The following CSNK1G3 variants were observed in gnomAD, a reference collection of about 807,000 sequenced individuals.
CSNK1G3 encodes the protein casein kinase I isoform gamma-3.
CSNK1G3 carries 23 observed loss-of-function variants against 64.3 expected under a neutral mutation model. That is an observed-to-expected ratio of 0.36 (90% CI 0.26 to 0.51). The LOEUF (loss-of-function observed/expected upper bound fraction) is 0.51. Ranked by LOEUF, CSNK1G3 falls within the 20% of genes least tolerant of loss-of-function variation. The pLI is 0.96. For synonymous variants in CSNK1G3, 158 were observed against 162.2 expected, an observed-to-expected ratio of 0.97 and a Z score of 0.20; for missense variants, 357 against 510.5, an observed-to-expected ratio of 0.70 and a Z score of 2.90.
Position 123,616,778 on chromosome 5 carries a change from C to G in CSNK1G3, c.*2382C>G, listed in dbSNP as rs377397864. On this transcript the variant is annotated 3_prime_UTR_variant, in exon 13 of 13. Transcript: ENST00000345990. The stretch of plus-strand genomic sequence containing the variant: ...TAAAAGTAGTTTTTTTAAACTTGCT[C>G]TTTCCCATTTCCTCTAAAGATGGGT... 3.9e-5 allele frequency: 6 copies of G among 152,462 alleles called. No individual in the cohort carries two copies. The East Asian group carries it at 5.8e-4, about 15-fold the overall frequency. 9.4% of individuals were successfully genotyped at this position (152,462 alleles called of 1,614,324 possible).
At chr5:123,538,258 T>G (rs546454821) in intron 1 of CSNK1G3, among the ~76,000 whole-genome samples, 1 of 152,306 alleles carries the variant, frequency 6.6e-6, no homozygotes, top group Non-Finnish European at 1.5e-5. Flanking sequence ...CTGTCAACCT[T>G]TTTTCCAAAG....
In CSNK1G3 at chr5:123,575,874, C is replaced by T. The variant is rs748402581; in HGVS notation, c.584C>T (p.Pro195Leu). The T allele has an allele frequency of 1.2e-4, 191 of 1,613,282 alleles. No individual in the cohort carries two copies. Among genetic ancestry groups the T allele is most frequent in the Middle Eastern group, 1.6e-4 (1 of 6,080 alleles). The change falls in exon 6 of 13, where the codon CCG (proline) becomes CTG (leucine). Residue 195 changes from proline (P) to leucine (L), a missense_variant. This residue lies in a region of CSNK1G3 where 128 missense variants were observed against 250.4 expected (regional missense o/e 0.51). Coordinates refer to ENST00000345990, the Ensembl canonical transcript of CSNK1G3. ...GGTTTGGCAAAGGAATATATTGATC[C>T]GGAGACAAAGAAACACATACCATAC...
intron 4 of CSNK1G3, among the ~76,000 whole-genome samples, chr5:123,565,720 C>T (rs746650797): frequency 1.1e-4 from 16 of 152,170 alleles, no homozygotes; most frequent in Non-Finnish European, 1.6e-4. Context: ...CTGGTAAGGC[C>T]TCAGGAAGTG....
chr5:123,535,016 C>T (rs1015825477), intron 1 of CSNK1G3, among the ~76,000 whole-genome samples: 8 of 152,128 alleles, frequency 5.3e-5, no homozygotes, highest in African/African-American at 1.7e-4. Flanking sequence ...AGTCCACTTT[C>T]TCTATTGGTT....
chr5:123,552,289 G>A (rs1783829520), intron 2 of CSNK1G3, among the ~76,000 whole-genome samples: 1 of 151,962 alleles, frequency 6.6e-6, no homozygotes, highest in South Asian at 2.1e-4. Context: ...GGGATTACAG[G>A]CGTGCGCCAC....
At chr5:123,579,791 G>T (rs1221319954) in intron 6 of CSNK1G3, among the ~76,000 whole-genome samples, 1 of 151,822 alleles carries the variant, frequency 6.6e-6, no homozygotes, top group Admixed American at 6.6e-5. Context: ...TATTTATTTG[G>T]CAGGTATAGC....
At chr5:123,588,381 A>G (rs768015242) in intron 7 of CSNK1G3, 46 bp from the exon 8 acceptor site, 13 of 1,462,380 alleles carry the variant, frequency 8.9e-6, no homozygotes, top group Admixed American at 8.4e-5. Flanking sequence ...CCAGCTAAAT[A>G]ATTTTTAAAT....
At chr5:123,569,893 A>G (rs1787730427) in intron 4 of CSNK1G3, among the ~76,000 whole-genome samples, 1 of 152,202 alleles carries the variant, frequency 6.6e-6, no homozygotes, top group Non-Finnish European at 1.5e-5. Flanking sequence ...TCCCTTTATC[A>G]GATTTAGAAA....
intron 1 of CSNK1G3, among the ~76,000 whole-genome samples, chr5:123,522,376 G>A (rs1778266216): frequency 6.6e-6 from 1 of 151,948 alleles, no homozygotes; most frequent in African/African-American, 2.4e-5. Flanking sequence ...GGTGGCACAC[G>A]CCTGTCGTCC....
intron 4 of CSNK1G3, among the ~76,000 whole-genome samples, chr5:123,569,031 A>G (rs762241920): frequency 3.3e-5 from 5 of 152,210 alleles, no homozygotes; most frequent in Non-Finnish European, 5.9e-5. Context: ...CTGCAATTAC[A>G]TTTGCACCAA....
chr5:123,544,726 A>C (rs1297029046), intron 1 of CSNK1G3, among the ~76,000 whole-genome samples: 1 of 152,236 alleles, frequency 6.6e-6, no homozygotes, highest in Admixed American at 6.5e-5. Context: ...TTTTATCTGC[A>C]TGTTAGAAAT....
At chr5:123,559,412 T>G (rs1259206781) in intron 4 of CSNK1G3, among the ~76,000 whole-genome samples, 1 of 152,198 alleles carries the variant, frequency 6.6e-6, no homozygotes, top group Non-Finnish European at 1.5e-5. Context: ...CTTTTTTCTG[T>G]TTTATATTTA....
chr5:123,549,927 C>T (rs1173216867), intron 2 of CSNK1G3, among the ~76,000 whole-genome samples: 1 of 152,132 alleles, frequency 6.6e-6, no homozygotes, highest in Non-Finnish European at 1.5e-5. Flanking sequence ...CATAACATCT[C>T]TTATTTTTGT....
At chr5:123,607,805 G>A (rs1014092902) in intron 12 of CSNK1G3, among the ~76,000 whole-genome samples, 2 of 152,158 alleles carry the variant, frequency 1.3e-5, no homozygotes, top group Non-Finnish European at 2.9e-5. Flanking sequence ...GGTGGGTTAG[G>A]TAGGTTACAG....
intron 12 of CSNK1G3, among the ~76,000 whole-genome samples, chr5:123,610,964 C>G (rs567653413): frequency 8.3e-4 from 127 of 152,312 alleles, no homozygotes; most frequent in Middle Eastern, 3.4e-3. Context: ...AGCTTAAATT[C>G]TAGTGCAAAG....
At position 123,613,437 on chromosome 5, in the gene CSNK1G3, A is replaced by G. The variant is rs992134674; in HGVS notation, c.1218-905A>G. 6.2e-4 allele frequency among the ~76,000 whole-genome samples: 77 copies of G among 124,848 alleles called. 1 individual carries two copies. Among genetic ancestry groups the G allele is most frequent in the South Asian group, 8.6e-4 (3 of 3,488 alleles). The allele number at this position is 124,848 out of a possible 152,430, so 81.9% of individuals were successfully genotyped here. ...TGTGTGTGTGTGTGTGTGTGTGCGT[A>G]TGTATGTATAATATAATATATGTGT... On this transcript the variant is annotated intron_variant, in intron 12 of 12. Transcript: ENST00000345990.
At chr5:123,547,055 T>A (rs1782643691) in intron 2 of CSNK1G3, among the ~76,000 whole-genome samples, 1 of 152,168 alleles carries the variant, frequency 6.6e-6, no homozygotes, top group African/African-American at 2.4e-5. Context: ...ATTTACGTGT[T>A]TATAATCTGT....
At chr5:123,562,888 T>C (rs566675178) in intron 4 of CSNK1G3, among the ~76,000 whole-genome samples, 7 of 152,182 alleles carry the variant, frequency 4.6e-5, no homozygotes, top group Admixed American at 2.0e-4. Flanking sequence ...TTATTAGAAT[T>C]AACTCAGTTT....
chr5:123,561,379 A>G (rs1785678311), intron 4 of CSNK1G3, among the ~76,000 whole-genome samples: 1 of 152,244 alleles, frequency 6.6e-6, no homozygotes, highest in Admixed American at 6.5e-5. Context: ...AAAGAATAGC[A>G]AGAACAAAGC....
Sources: gnomAD v4.1 joint callset for allele counts (sites outside exome capture counted in the v4.1 genomes callset) on GRCh38, gnomAD v4.1.1 for gene constraint, gnomAD v4.1.1 regional missense constraint, MANE v1.5 for transcripts, NCBI Gene and HGNC (gene_info 2026-07-23, HGNC 2026-07-21) for gene names.